VIT: variants seen among roughly 807,000 people sequenced by gnomAD.
The protein encoded by VIT is vitrin.
Under a neutral mutation model 78.0 loss-of-function variants are expected in VIT, and 99 were observed. The observed-to-expected ratio is 1.27, with a 90% CI of 1.08 to 1.50. VIT has a LOEUF of 1.50. Among genes scored for constraint, VIT ranks in the 40% most tolerant of loss-of-function variants. The pLI, the probability that VIT is intolerant of heterozygous loss-of-function variation, is 0.00. For missense variants in VIT, 1,126 were observed against 875.3 expected (o/e 1.29, Z -3.61); for synonymous variants, 374 against 334.3 (o/e 1.12, Z -1.29).
At chr2:36,744,344 C>G (rs936110512) in intron 4 of VIT, among the ~76,000 whole-genome samples, 2 of 152,124 alleles carry the variant, frequency 1.3e-5, no homozygotes, top group African/African-American at 4.8e-5. Context: ...TATATATAGT[C>G]AGCAATGGGA....
chr2:36,777,480 A>G (rs993085817), intron 9 of VIT, among the ~76,000 whole-genome samples: 1 of 152,138 alleles, frequency 6.6e-6, no homozygotes, highest in Non-Finnish European at 1.5e-5. Context: ...CCCGAGCAGA[A>G]CACAGTGCTG....
intron 2 of VIT, among the ~76,000 whole-genome samples, chr2:36,724,282 T>C (rs1666703037): frequency 6.6e-6 from 1 of 152,146 alleles, no homozygotes; most frequent in South Asian, 2.1e-4. Context: ...CATTGCTGCA[T>C]GATTGCCTTG....
intron 6 of VIT, among the ~76,000 whole-genome samples, chr2:36,761,672 G>A (rs553578327): frequency 2.6e-5 from 4 of 152,154 alleles, no homozygotes; most frequent in Admixed American, 6.5e-5. Context: ...CCCGGGAGGT[G>A]GAGGTTGCAG....
intron 12 of VIT, among the ~76,000 whole-genome samples, chr2:36,800,342 G>T (rs565301760): frequency 9.7e-4 from 147 of 152,204 alleles, no homozygotes; most frequent in African/African-American, 3.4e-3. Flanking sequence ...GAGACTCCGT[G>T]TTAAAAAAGA....
At chr2:36,705,433 T>C (rs143879778) in intron 1 of VIT, among the ~76,000 whole-genome samples, 1 of 152,326 alleles carries the variant, frequency 6.6e-6, no homozygotes, top group African/African-American at 2.4e-5. Context: ...CCTTTGTGGA[T>C]GTGGTAAGCA....
intron 1 of VIT, among the ~76,000 whole-genome samples, chr2:36,709,149 C>CA (rs1665644328): frequency 6.6e-6 from 1 of 152,062 alleles, no homozygotes; most frequent in Admixed American, 6.5e-5. Flanking sequence ...AACTCCGTCT[C>CA]AAAAATAAAT....
At chr2:36,799,141 CT>C (rs1666128435) in intron 12 of VIT, among the ~76,000 whole-genome samples, 1 of 152,134 alleles carries the variant, frequency 6.6e-6, no homozygotes, top group Non-Finnish European at 1.5e-5. Flanking sequence ...CATCCCTTGC[CT>C]TGTAAATAAG....
At chr2:36,716,288 C>T (rs1364607033) in intron 1 of VIT, 65 bp from the exon 2 acceptor site, 4 of 1,366,596 alleles carry the variant, frequency 2.9e-6, no homozygotes, top group Non-Finnish European at 4.2e-6. Flanking sequence ...TCCCCACACA[C>T]TCTGTGCATC....
chr2:36,783,271 C>G, intron 10 of VIT, 69 bp from the exon 11 acceptor site: 2 of 1,528,436 alleles, frequency 1.3e-6, no homozygotes, highest in South Asian at 1.1e-5. Context: ...CATTATGTCC[C>G]CTCCCATGGG....
Position 36,808,934 on chromosome 2 carries a change from G to C in VIT, c.1852G>C (p.Gly618Arg), listed in dbSNP as rs185199684. ...GAAGTTAATGATCCTCATCACCGACGGGAGGTCCTACGACGACGTCCGGAT... is the reference window on the plus strand; with the variant it reads ...GAAGTTAATGATCCTCATCACCGACCGGAGGTCCTACGACGACGTCCGGAT... ...KRKLMILITD[G>R]RSYDDVRIPA... Residue 618 changes from glycine to arginine, a missense_variant, in exon 15 of 16, where the codon GGG (glycine) becomes CGG (arginine). By Grantham distance (125) the Gly-to-Arg change is moderately radical. Transcript: ENST00000379242. 36 of 1,612,472 alleles carry C rather than the reference G, an allele frequency of 2.2e-5. No individual in the cohort carries two copies. The highest frequency in any genetic ancestry group is 4.5e-5 in the East Asian group (2 of 44,872).
intron 2 of VIT, among the ~76,000 whole-genome samples, chr2:36,717,876 A>G (rs578218244): frequency 4.5e-4 from 68 of 152,324 alleles, no homozygotes; most frequent in Admixed American, 5.2e-4. Flanking sequence ...GTCCAAAATC[A>G]GTGTCAAGAG....
At chr2:36,712,569 T>C (rs751754130) in intron 1 of VIT, among the ~76,000 whole-genome samples, 4 of 152,192 alleles carry the variant, frequency 2.6e-5, no homozygotes, top group Non-Finnish European at 4.4e-5. Context: ...CCGGGGGTGG[T>C]GGCTCACACC....
intron 15 of VIT, 49 bp downstream of exon 15, chr2:36,809,034 C>T (rs1666960116): frequency 2.0e-6 from 3 of 1,519,970 alleles, no homozygotes; most frequent in African/African-American, 2.8e-5. Context: ...CTTTCTGGGG[C>T]TTGGTGGGCC....
At chr2:36,715,838 G>C (rs1374432370) in intron 1 of VIT, among the ~76,000 whole-genome samples, 1 of 152,108 alleles carries the variant, frequency 6.6e-6, no homozygotes, top group Admixed American at 6.5e-5. Context: ...ATGGTTATTT[G>C]TGTCCACTTA....
At chr2:36,702,946 C>G (rs74528341) in intron 1 of VIT, among the ~76,000 whole-genome samples, 1 of 152,172 alleles carries the variant, frequency 6.6e-6, no homozygotes, top group East Asian at 1.9e-4. Context: ...TCTGCCTAGG[C>G]TCCTCAGCCC....
At chr2:36,714,327 T>C (rs1216173351) in intron 1 of VIT, among the ~76,000 whole-genome samples, 1 of 152,210 alleles carries the variant, frequency 6.6e-6, no homozygotes, top group South Asian at 2.1e-4. Flanking sequence ...TAGTACTAGA[T>C]GGTGATTATC....
At chr2:36,771,771 T>C (rs1669774847) in intron 7 of VIT, among the ~76,000 whole-genome samples, 1 of 152,114 alleles carries the variant, frequency 6.6e-6, no homozygotes, top group Admixed American at 6.5e-5. Context: ...AAGGAGATAA[T>C]TTACTTATTT....
At chr2:36,710,512 T>C (rs887273419) in intron 1 of VIT, among the ~76,000 whole-genome samples, 2 of 152,200 alleles carry the variant, frequency 1.3e-5, no homozygotes, top group Non-Finnish European at 2.9e-5. Context: ...CATGTGTTCC[T>C]TTGCCATCTT....
At chr2:36,729,717 T>G (rs1259998858) in intron 3 of VIT, among the ~76,000 whole-genome samples, 1 of 152,206 alleles carries the variant, frequency 6.6e-6, no homozygotes, top group African/African-American at 2.4e-5. Flanking sequence ...TCCCCTGCAC[T>G]AGGAAAACTC....
Sources: gnomAD v4.1 joint callset for allele counts (sites outside exome capture counted in the v4.1 genomes callset) on GRCh38, gnomAD v4.1.1 for gene constraint, MANE v1.5 for transcripts, NCBI Gene and HGNC (gene_info 2026-07-23, HGNC 2026-07-21) for gene names.